FERRY3: variants seen among roughly 807,000 people sequenced by gnomAD.
The protein encoded by FERRY3 is protein C12orf4.
the FERRY3 span, chr12:4,500,021 A>T: frequency 2.2e-6 from 2 of 921,280 alleles, no homozygotes; most frequent in South Asian, 3.3e-5. Flanking sequence ...CAGATCGGAG[A>T]TGCAAAAATC....
chr12:4,523,660 G>A, the FERRY3 span, among the ~76,000 whole-genome samples: 1 of 152,144 alleles, frequency 6.6e-6, no homozygotes, highest in African/African-American at 2.4e-5. Flanking sequence ...TCCTTTGTAG[G>A]GATATGGATG....
chr12:4,526,290 C>G, the FERRY3 span, among the ~76,000 whole-genome samples: 1 of 152,086 alleles, frequency 6.6e-6, no homozygotes, highest in Non-Finnish European at 1.5e-5. Flanking sequence ...TTGATCTGGG[C>G]AATGGTTACA....
chr12:4,528,778 G>A, the FERRY3 span, among the ~76,000 whole-genome samples: 2 of 151,810 alleles, frequency 1.3e-5, 1 homozygote, highest in Admixed American at 1.3e-4. Flanking sequence ...CCATGACAAT[G>A]CTCCAAAGAT....
the FERRY3 span, among the ~76,000 whole-genome samples, chr12:4,490,289 G>A: frequency 3.9e-5 from 6 of 152,148 alleles, no homozygotes; most frequent in African/African-American, 1.2e-4. Context: ...AAGGAATGAT[G>A]AGTCAAGTTT....
At chr12:4,538,438 C>T in the FERRY3 span, 5 of 167,148 alleles carry the variant, frequency 3.0e-5, 1 homozygote, top group Middle Eastern at 6.4e-3. Flanking sequence ...CTGGGCAGTC[C>T]GCTCACTCGA....
At chr12:4,530,034 G>C in the FERRY3 span, 3 of 1,612,372 alleles carry the variant, frequency 1.9e-6, no homozygotes, top group Admixed American at 1.7e-5. Context: ...TTCAGGCCTT[G>C]CATGCTCTAA....
At chr12:4,523,044 A>T in the FERRY3 span, among the ~76,000 whole-genome samples, 1 of 152,240 alleles carries the variant, frequency 6.6e-6, no homozygotes, top group Non-Finnish European at 1.5e-5. Context: ...GTCAAAATTC[A>T]TCAAACTGTA....
At chr12:4,491,149 T>TG in the FERRY3 span, 1 of 1,607,412 alleles carries the variant, frequency 6.2e-7, no homozygotes, top group Non-Finnish European at 8.5e-7. Flanking sequence ...ATACAGGTGG[T>TG]GGTTGTCAGA....
At chr12:4,517,955 G>A in the FERRY3 span, 1 of 964,842 alleles carries the variant, frequency 1.0e-6, no homozygotes, top group Non-Finnish European at 1.5e-6. Context: ...TGGATGTCAA[G>A]GTGATTAAAA....
chr12:4,521,281 C>T, the FERRY3 span, among the ~76,000 whole-genome samples: 4 of 152,162 alleles, frequency 2.6e-5, no homozygotes, highest in South Asian at 4.2e-4. Context: ...ATTGCTTGAA[C>T]GCAGGAGGTG....
the FERRY3 span, among the ~76,000 whole-genome samples, chr12:4,492,812 C>A: frequency 6.6e-6 from 1 of 152,158 alleles, no homozygotes; most frequent in Non-Finnish European, 1.5e-5. Flanking sequence ...TAAGAACTTA[C>A]AATTGCTTCC....
the FERRY3 span, among the ~76,000 whole-genome samples, chr12:4,516,748 G>T: frequency 6.6e-5 from 10 of 152,074 alleles, no homozygotes; most frequent in Non-Finnish European, 1.3e-4. Context: ...GGTAATAGAC[G>T]ATGGGCTTAA....
the FERRY3 span, among the ~76,000 whole-genome samples, chr12:4,517,741 A>C: frequency 1.3e-5 from 2 of 149,598 alleles, no homozygotes; most frequent in Admixed American, 1.3e-4. Flanking sequence ...AGAGAGAGAC[A>C]AATGGATGAG....
the FERRY3 span, among the ~76,000 whole-genome samples, chr12:4,509,598 C>T: frequency 6.8e-6 from 1 of 146,368 alleles, no homozygotes; most frequent in Admixed American, 6.7e-5. Context: ...CCCCTGACCC[C>T]CGAGCAGCCT....
chr12:4,518,767 C>T, the FERRY3 span: 5 of 1,487,480 alleles, frequency 3.4e-6, 1 homozygote, highest in East Asian at 9.4e-5. Context: ...AAAATTAACA[C>T]ACTTACCTAA....
At chr12:4,527,839 A>T in the FERRY3 span, among the ~76,000 whole-genome samples, 2 of 152,190 alleles carry the variant, frequency 1.3e-5, no homozygotes, top group Non-Finnish European at 2.9e-5. Flanking sequence ...AAACCCCATC[A>T]AGAAATATGG....
the FERRY3 span, chr12:4,530,069 A>G: frequency 6.3e-7 from 1 of 1,587,888 alleles, no homozygotes; most frequent in East Asian, 2.2e-5. Flanking sequence ...TAATATACAG[A>G]CAATCTTAAA....
chr12:4,491,824 T>C, the FERRY3 span, among the ~76,000 whole-genome samples: 1 of 152,212 alleles, frequency 6.6e-6, no homozygotes, highest in East Asian at 1.9e-4. Flanking sequence ...AACACCAGAA[T>C]TGTTTTTCCC....
the FERRY3 span, chr12:4,502,224 T>C: frequency 1.2e-4 from 39 of 317,002 alleles, no homozygotes; most frequent in East Asian, 1.9e-3. The surrounding 1 kb of genome is among the most constrained non-coding windows in gnomAD (Gnocchi z 4.2). Context: ...TATGTACATA[T>C]TATGTTAAAG....
Sources: allele counts gnomAD v4.1 joint callset (sites outside exome capture counted in the v4.1 genomes callset), GRCh38; gene constraint gnomAD v4.1.1; non-coding constraint Gnocchi (gnomAD v3.1); transcripts MANE v1.5; gene names NCBI Gene and HGNC (gene_info 2026-07-23, HGNC 2026-07-21).